ROR1: variants seen among roughly 807,000 people sequenced by gnomAD.
The protein encoded by ROR1 is ROR family WNT receptor 1.
ROR1 carries 19 observed loss-of-function variants against 78.8 expected under a neutral mutation model. The ratio of observed to expected loss-of-function variants is 0.24; its 90% CI spans 0.17 to 0.35. The LOEUF is 0.35. Among genes scored for constraint, ROR1 ranks in the 10% least tolerant of loss-of-function variants. The probability of loss-of-function intolerance (pLI) is 1.00; values close to 1 mark genes in which losing one functional copy is unlikely to be tolerated. For missense variants in ROR1, 917 were observed against 1,177.8 expected (o/e 0.78, Z 3.24); for synonymous variants, 386 against 433.6 (o/e 0.89, Z 1.36).
At chr1:63,831,369 C>T (rs1644987443) in intron 1 of ROR1, among the ~76,000 whole-genome samples, 1 of 152,206 alleles carries the variant, frequency 6.6e-6, no homozygotes, top group Admixed American at 6.5e-5. Context: ...CCAGACATTT[C>T]CATAGATCCT....
chr1:63,886,101 G>T (rs376831935), intron 1 of ROR1, among the ~76,000 whole-genome samples: 333 of 152,202 alleles, frequency 2.2e-3, no homozygotes, highest in African/African-American at 7.2e-3. Flanking sequence ...CCTCGCATGC[G>T]CAGTTCACAG....
chr1:64,169,665 C>T (rs1470811542), intron 8 of ROR1, among the ~76,000 whole-genome samples: 9 of 152,190 alleles, frequency 5.9e-5, no homozygotes, highest in East Asian at 1.9e-4. Context: ...CAACTCATTT[C>T]GGCATTAACT....
rs1243372568 is a variant in ROR1 at position 63,774,400 on chromosome 1, G to C, written c.-18G>C. ...CGGCCTGGGAGCCGCCGCCGCCGCC[G>C]CCTCAGCGAGAGGAGGAATGCACCG... On this transcript the variant is annotated 5_prime_UTR_variant, in exon 1 of 9. Coordinates refer to ENST00000371079, the MANE Select transcript of ROR1 (RefSeq NM_005012.4). The surrounding 1 kb of genome is among the most constrained non-coding windows in gnomAD (Gnocchi z 5.7). 2.4e-6 allele frequency: 3 copies of C among 1,251,880 alleles called. No homozygotes were observed. The highest frequency in any genetic ancestry group is 3.0e-6 in the Non-Finnish European group (3 of 992,926). The allele number at this position is 1,251,880 out of a possible 1,614,324, so 77.5% of individuals were successfully genotyped here. A position where few individuals can be genotyped will look rare whatever the true frequency, so the allele number is the denominator to read the frequency against.
chr1:63,896,539 T>A (rs553265731), intron 1 of ROR1, among the ~76,000 whole-genome samples: 2 of 152,360 alleles, frequency 1.3e-5, no homozygotes, highest in South Asian at 4.1e-4. Flanking sequence ...ACTTAACAGT[T>A]CCTTTCTCAT....
In ROR1 at chr1:63,892,185, A is replaced by C. The variant is rs528938489; in HGVS notation, c.92-117120A>C. The stretch of plus-strand genomic sequence containing the variant: ...ATGGACTATGATTAAGACACAGTTC[A>C]TTTCCTTGAATCTCACAATTGAATA... On this transcript the variant is annotated intron_variant, in intron 1 of 8. Coordinates refer to ENST00000371079, the MANE Select transcript of ROR1 (RefSeq NM_005012.4). Among the ~76,000 whole-genome samples, 5 of 152,324 alleles carry C rather than the reference A, an allele frequency of 3.3e-5. No homozygotes were observed. In the South Asian group the frequency reaches 1.0e-3, roughly 32 times the overall value.
intron 1 of ROR1, among the ~76,000 whole-genome samples, chr1:63,926,503 G>A (rs1373604414): frequency 2.0e-5 from 3 of 151,314 alleles, no homozygotes; most frequent in African/African-American, 7.3e-5. Context: ...CTCTTTTTTG[G>A]TTCCATATGA....
intron 1 of ROR1, among the ~76,000 whole-genome samples, chr1:63,904,089 G>T (rs1207840798): frequency 2.0e-5 from 3 of 152,182 alleles, no homozygotes; most frequent in Non-Finnish European, 4.4e-5. Context: ...GCGGGGCCAG[G>T]TCAGGGGCAT....
At chr1:64,135,220 A>G (rs1317297090) in intron 4 of ROR1, among the ~76,000 whole-genome samples, 1 of 152,172 alleles carries the variant, frequency 6.6e-6, no homozygotes, top group Non-Finnish European at 1.5e-5. Flanking sequence ...CAGCCAAGGA[A>G]TTGCATTCCA....
rs1644836891 is a variant in ROR1, at chr1:63,807,447, G to A, written c.91+32939G>A. ...GGACTCTCACATGTGCTGAGTTTGT[G>A]CTAGCATCAGTCTTTTCATTGCCCT... On this transcript the variant is annotated intron_variant, in intron 1 of 8. Coordinates refer to ENST00000371079, the MANE Select transcript of ROR1 (RefSeq NM_005012.4). 2.0e-5 allele frequency among the ~76,000 whole-genome samples: 3 copies of A among 152,184 alleles called. No individual in the cohort carries two copies. In the South Asian group the frequency reaches 6.2e-4, roughly 32 times the overall value.
rs1057512801 is a variant in ROR1, at chr1:63,788,980, A to G, written c.91+14472A>G. On this transcript the variant is annotated intron_variant, in intron 1 of 8. Transcript: ENST00000371079. ...TGATCAATCTTCTTAGATATGCGGT[A>G]TCTTCTGAGCAGCCAGCACAGAATC... is the stretch of plus-strand genomic sequence containing the variant. 3 of 660,596 alleles carry G rather than the reference A, an allele frequency of 4.5e-6. No individual in the cohort carries two copies. In the Admixed American group the frequency reaches 5.4e-5, roughly 12 times the overall value. The allele number at this position is 660,596 out of a possible 1,614,324, so 40.9% of individuals were successfully genotyped here. A position where few individuals can be genotyped will look rare whatever the true frequency, so the allele number is the denominator to read the frequency against.
At chr1:63,821,792 G>A (rs1008521125) in intron 1 of ROR1, among the ~76,000 whole-genome samples, 4 of 152,224 alleles carry the variant, frequency 2.6e-5, no homozygotes, top group African/African-American at 9.6e-5. Context: ...GGAGGAAAAT[G>A]TAGCTTAAGA....
At chr1:63,982,465 T>C (rs1350414624) in intron 1 of ROR1, among the ~76,000 whole-genome samples, 2 of 152,212 alleles carry the variant, frequency 1.3e-5, no homozygotes, top group African/African-American at 4.8e-5. Context: ...CACCAAACCA[T>C]TATTCAATAA....
At chr1:63,981,087 C>T (rs896974016) in intron 1 of ROR1, among the ~76,000 whole-genome samples, 2 of 152,058 alleles carry the variant, frequency 1.3e-5, no homozygotes, top group African/African-American at 4.8e-5. Context: ...TGATGTTGTT[C>T]ATAACAACAA....
chr1:64,067,919 A>G (rs2100613934), intron 4 of ROR1, among the ~76,000 whole-genome samples: 1 of 152,110 alleles, frequency 6.6e-6, no homozygotes, highest in Non-Finnish European at 1.5e-5. Flanking sequence ...TCACTGTGTT[A>G]GCCAGGATGG....
chr1:64,132,760 C>CAAAAAAAAAAAAAAA (rs749607703), intron 4 of ROR1, among the ~76,000 whole-genome samples: 1 of 70,452 alleles, frequency 1.4e-5, no homozygotes, highest in Non-Finnish European at 2.6e-5. Flanking sequence ...GACTCCATCT[C>CAAAAAAAAAAAAAAA]AAAAAAAAAA....
intron 1 of ROR1, among the ~76,000 whole-genome samples, chr1:63,801,939 A>C (rs1644800208): frequency 6.6e-6 from 1 of 152,198 alleles, no homozygotes; most frequent in Non-Finnish European, 1.5e-5. Context: ...AAGTGGATAG[A>C]AGCTGAAAGA....
intron 1 of ROR1, among the ~76,000 whole-genome samples, chr1:63,813,697 C>T (rs1195324749): frequency 6.6e-6 from 1 of 152,214 alleles, no homozygotes; most frequent in Non-Finnish European, 1.5e-5. Context: ...ATCAGATGGA[C>T]TTCTCTCTGT....
chr1:63,945,136 G>T (rs1251232540), intron 1 of ROR1, among the ~76,000 whole-genome samples: 3 of 152,110 alleles, frequency 2.0e-5, no homozygotes, highest in Non-Finnish European at 4.4e-5. Context: ...ATGGGAAAAG[G>T]TTAAAACGAC....
At chr1:64,029,648 G>C (rs1646643786) in intron 2 of ROR1, among the ~76,000 whole-genome samples, 1 of 152,152 alleles carries the variant, frequency 6.6e-6, no homozygotes, top group African/African-American at 2.4e-5. Flanking sequence ...GGCAGAGAGA[G>C]ACAGACTGAC....
Sources: gnomAD v4.1 joint callset for allele counts (sites outside exome capture counted in the v4.1 genomes callset) on GRCh38, gnomAD v4.1.1 for gene constraint, Gnocchi (gnomAD v3.1) non-coding constraint, MANE v1.5 for transcripts, NCBI Gene and HGNC (gene_info 2026-07-23, HGNC 2026-07-21) for gene names.